ARNT2: variants seen among roughly 807,000 people sequenced by gnomAD.
ARNT2 encodes the protein aryl hydrocarbon receptor nuclear translocator 2.
In ARNT2, 36 loss-of-function variants were observed where a neutral mutation model predicts 91.7. The observed-to-expected ratio is 0.39, with a 90% CI of 0.30 to 0.52. ARNT2 has a LOEUF of 0.52. Among genes scored for constraint, ARNT2 ranks in the 20% least tolerant of loss-of-function variants. The pLI, the probability that ARNT2 is intolerant of heterozygous loss-of-function variation, is 0.72. For synonymous variants in ARNT2, 365 were observed against 347.1 expected (o/e 1.05, Z -0.57); for missense variants, 775 against 939.3 (o/e 0.83, Z 2.29).
chr15:80,533,421 C>T (rs1419950169), intron 8 of ARNT2, among the ~76,000 whole-genome samples: 3 of 152,068 alleles, frequency 2.0e-5, no homozygotes, highest in Non-Finnish European at 2.9e-5. Context: ...CATGGAGGAA[C>T]GGTCAACACA....
chr15:80,552,492 G>A (rs1305608372), intron 9 of ARNT2, 148 bp from the exon 10 acceptor site: 2 of 966,712 alleles, frequency 2.1e-6, no homozygotes. Context: ...ACCAGGGATA[G>A]ATATTTGAAC....
chr15:80,499,883 A>G (rs947129866), intron 5 of ARNT2, among the ~76,000 whole-genome samples: 1 of 152,202 alleles, frequency 6.6e-6, no homozygotes, highest in Non-Finnish European at 1.5e-5. Flanking sequence ...GCATTGTGGT[A>G]GAGGAGGTAA....
chr15:80,488,567 T>C (rs1414986008), intron 5 of ARNT2: 4 of 152,214 alleles, frequency 2.6e-5, no homozygotes, highest in Non-Finnish European at 5.9e-5. Flanking sequence ...AAAATTCAGA[T>C]GCCAGGACTC....
chr15:80,574,011 G>A (rs12442822), intron 12 of ARNT2, 137 bp from the exon 13 acceptor site: 17,109 of 661,664 alleles, frequency 0.026, 1,601 homozygotes, highest in African/African-American at 0.24. Flanking sequence ...AAAATAAAAT[G>A]ATTAAAAATG....
intron 1 of ARNT2, among the ~76,000 whole-genome samples, chr15:80,431,988 C>G (rs976834400): frequency 1.3e-5 from 2 of 152,236 alleles, no homozygotes; most frequent in Non-Finnish European, 2.9e-5. Context: ...AGGACAAGCT[C>G]AGGTATGTCA....
intron 8 of ARNT2, among the ~76,000 whole-genome samples, chr15:80,537,502 G>A (rs1897844700): frequency 6.6e-6 from 1 of 152,104 alleles, no homozygotes; most frequent in Non-Finnish European, 1.5e-5. Flanking sequence ...ATGACAAGTA[G>A]GTTTGATTTC....
intron 5 of ARNT2, among the ~76,000 whole-genome samples, chr15:80,494,688 A>T (rs144501086): frequency 1.9e-3 from 295 of 152,294 alleles, no homozygotes; most frequent in African/African-American, 6.7e-3. Context: ...GAGAATGTGA[A>T]TGCAGAAAAA....
intron 1 of ARNT2, among the ~76,000 whole-genome samples, chr15:80,448,348 T>C (rs1896335831): frequency 1.3e-5 from 2 of 152,288 alleles, no homozygotes; most frequent in South Asian, 4.1e-4. Flanking sequence ...AATAAGAAAC[T>C]AGACATGAAA....
intron 6 of ARNT2, among the ~76,000 whole-genome samples, chr15:80,512,109 AT>A (rs1897351067): frequency 6.6e-6 from 1 of 152,182 alleles, no homozygotes; most frequent in South Asian, 2.1e-4. Flanking sequence ...TAAAATAAGT[AT>A]CTATTTTCCC....
intron 6 of ARNT2, 50 bp from the exon 7 acceptor site, chr15:80,513,861 A>G (rs1207178510): frequency 2.0e-6 from 3 of 1,501,518 alleles, no homozygotes; most frequent in Admixed American, 3.3e-5. Flanking sequence ...CATATATTGA[A>G]TAAACTTGCC....
At chr15:80,552,854 C>T in intron 10 of ARNT2, 80 bp downstream of exon 10, 6 of 1,521,214 alleles carry the variant, frequency 3.9e-6, no homozygotes, top group Non-Finnish European at 4.5e-6. Flanking sequence ...ATTTGAGATA[C>T]AACACAATGG....
chr15:80,489,165 A>G (rs946367860), intron 5 of ARNT2, among the ~76,000 whole-genome samples: 2 of 152,252 alleles, frequency 1.3e-5, no homozygotes, highest in Non-Finnish European at 2.9e-5. Context: ...CAAAAACTCC[A>G]GTGTGATAAA....
intron 12 of ARNT2, among the ~76,000 whole-genome samples, chr15:80,564,777 G>A (rs922298881): frequency 2.0e-5 from 3 of 148,108 alleles, no homozygotes; most frequent in Admixed American, 7.0e-5. Context: ...GTGAGAACAC[G>A]CGGTATTTGG....
intron 8 of ARNT2, among the ~76,000 whole-genome samples, chr15:80,534,062 T>G (rs4128219): frequency 0.4 from 61,565 of 152,180 alleles, 13,308 homozygotes; most frequent in African/African-American, 0.54. Context: ...GAAGATGCTT[T>G]TTCATTTCCA....
chr15:80,466,105 G>T (rs1344810489), intron 3 of ARNT2, among the ~76,000 whole-genome samples: 1 of 152,218 alleles, frequency 6.6e-6, no homozygotes, highest in East Asian at 1.9e-4. Context: ...CGGGTCTAAG[G>T]TTCCCTTCCC....
rs538081028 is a variant in ARNT2, at chr15:80,485,865, C to T, written c.622+10642C>T. On this transcript the variant is annotated intron_variant, in intron 5 of 18. Coordinates refer to ENST00000303329, the MANE Select transcript of ARNT2 (RefSeq NM_014862.4). Reference sequence around the variant, plus strand: ...TAGGAGGATGCTAGAGTTATCTATGCGAGGGCTGATGCAGGCTTGGGTTGG... The same window carrying T: ...TAGGAGGATGCTAGAGTTATCTATGTGAGGGCTGATGCAGGCTTGGGTTGG... 3.3e-5 allele frequency among the ~76,000 whole-genome samples: 5 copies of T among 152,246 alleles called. No homozygotes were observed. The South Asian group carries it at 6.2e-4, about 19-fold the overall frequency.
In ARNT2 at chr15:80,511,696, G is replaced by C. The variant is rs1477163549; in HGVS notation, c.726-2215G>C. 8.5e-5 allele frequency among the ~76,000 whole-genome samples: 13 copies of C among 152,238 alleles called. No individual in the cohort carries two copies. The South Asian group carries it at 2.7e-3, about 32-fold the overall frequency. ...AGATGCATGTGAAATCTCGTGGGAGGTGGGTATAGACAGAGGAGAAGACAG... is the reference window on the plus strand; with the variant it reads ...AGATGCATGTGAAATCTCGTGGGAGCTGGGTATAGACAGAGGAGAAGACAG... On this transcript the variant is annotated intron_variant, in intron 6 of 18. Coordinates refer to ENST00000303329, the MANE Select transcript of ARNT2 (RefSeq NM_014862.4).
chr15:80,576,904 A>T lies in ARNT2; in HGVS notation c.1552A>T (p.Thr518Ser). Residue 518 changes from threonine to serine, a missense_variant, in exon 15 of 19, where the codon ACC (threonine) becomes TCC (serine). Physicochemically the swap from Thr to Ser is moderately conservative, Grantham distance 58 (BLOSUM62 1). Transcript: ENST00000303329. The stretch of plus-strand genomic sequence containing the variant: ...GATGAGCTCAGCCTCTGCAGCAGGA[A>T]CCCAGCAGATCTACTCCCAAGGAAG... ...KMMSSASAAGTQQIYSQGSPF... is the reference protein window; with the variant it reads ...KMMSSASAAGSQQIYSQGSPF... 1 of 1,614,074 alleles carries T rather than the reference A, an allele frequency of 6.2e-7. No homozygotes were observed. The highest frequency in any genetic ancestry group is 2.2e-5 in the East Asian group (1 of 44,876).
intron 13 of ARNT2, 131 bp downstream of exon 13, chr15:80,574,351 C>G: frequency 1.2e-6 from 1 of 849,278 alleles, no homozygotes; most frequent in South Asian, 1.6e-5. Context: ...ATGGAAAGAG[C>G]AGACCTACAG....
Sources: allele counts gnomAD v4.1 joint callset (sites outside exome capture counted in the v4.1 genomes callset), GRCh38; gene constraint gnomAD v4.1.1; transcripts MANE v1.5; gene names NCBI Gene and HGNC (gene_info 2026-07-23, HGNC 2026-07-21).